CTNNA3: variants seen among roughly 807,000 people sequenced by gnomAD.
CTNNA3 encodes the protein catenin alpha-3.
In CTNNA3, 76 loss-of-function variants were observed where a neutral mutation model predicts 95.7. That is an observed-to-expected ratio of 0.79 (90% CI 0.66 to 0.96). The LOEUF is 0.96. CTNNA3 is among the 40% of genes least tolerant of loss of function. The pLI, the probability that CTNNA3 is intolerant of heterozygous loss-of-function variation, is 0.00. For missense variants in CTNNA3, 1,191 were observed against 1,089.8 expected, an observed-to-expected ratio of 1.09 and a Z score of -1.31; for synonymous variants, 431 against 374.4, an observed-to-expected ratio of 1.15 and a Z score of -1.74.
intron 10 of CTNNA3, among the ~76,000 whole-genome samples, chr10:66,586,007 T>A: frequency 6.6e-6 from 1 of 152,130 alleles, no homozygotes; most frequent in East Asian, 1.9e-4. Flanking sequence ...CAGCTCTGGG[T>A]GGTTTCAAGT....
intron 7 of CTNNA3, among the ~76,000 whole-genome samples, chr10:66,965,391 C>T (rs748058703): frequency 7.3e-5 from 11 of 151,420 alleles, no homozygotes; most frequent in East Asian, 1.9e-4. Flanking sequence ...AAAAATTAGC[C>T]GGGTGTGGTG....
intron 10 of CTNNA3, among the ~76,000 whole-genome samples, chr10:66,536,814 G>A (rs1320977765): frequency 3.3e-5 from 5 of 152,006 alleles, no homozygotes; most frequent in Admixed American, 6.6e-5. Flanking sequence ...TTCATTGAGC[G>A]TTGCACTAAA....
rs184222137 is a variant in CTNNA3 at position 66,695,186 on chromosome 10, G to A, written c.1281+71078C>T. Among the ~76,000 whole-genome samples the A allele has an allele frequency of 1.6e-3, 247 of 152,224 alleles. 2 individuals are homozygous for A. The highest frequency in any genetic ancestry group is 5.6e-3 in the African/African-American group (233 of 41,540). ...AGATGCACATTAAATAGATTGCTAT[G>A]TAAAGCTGATACATCATTTAGTCCT... On this transcript the variant is annotated intron_variant, in intron 9 of 17. Coordinates refer to ENST00000433211, the MANE Select transcript of CTNNA3 (RefSeq NM_013266.4).
intron 10 of CTNNA3, among the ~76,000 whole-genome samples, chr10:66,607,791 A>G (rs1374790314): frequency 2.0e-5 from 3 of 152,178 alleles, no homozygotes; most frequent in Admixed American, 2.0e-4. Flanking sequence ...TATTGAGAAA[A>G]CATACTTCAA....
At chr10:65,974,002 A>G (rs1416986968) in intron 16 of CTNNA3, among the ~76,000 whole-genome samples, 2 of 152,214 alleles carry the variant, frequency 1.3e-5, no homozygotes, top group African/African-American at 2.4e-5. Context: ...GCTCAACATC[A>G]TGAATAATCA....
At chr10:66,522,831 T>C (rs1841115571) in intron 10 of CTNNA3, among the ~76,000 whole-genome samples, 1 of 151,916 alleles carries the variant, frequency 6.6e-6, no homozygotes, top group South Asian at 2.1e-4. Flanking sequence ...CTATGCATAA[T>C]TTTTTCATAA....
At chr10:67,189,377 G>C (rs2132169177) in intron 6 of CTNNA3, among the ~76,000 whole-genome samples, 1 of 152,112 alleles carries the variant, frequency 6.6e-6, no homozygotes, top group South Asian at 2.1e-4. Context: ...TACTTTGACA[G>C]GAGGAATAAA....
chr10:67,240,664 T>A (rs144653595), intron 5 of CTNNA3, among the ~76,000 whole-genome samples: 1,546 of 152,224 alleles, frequency 0.01, 15 homozygotes, highest in African/African-American at 0.024. Flanking sequence ...TGAGAAACCA[T>A]ATCATAATAG....
At chr10:67,125,117 C>A (rs1316678685) in intron 7 of CTNNA3, among the ~76,000 whole-genome samples, 2 of 152,100 alleles carry the variant, frequency 1.3e-5, no homozygotes, top group Non-Finnish European at 2.9e-5. Flanking sequence ...GTTTCACAAA[C>A]TAGAATAGAA....
intron 11 of CTNNA3, among the ~76,000 whole-genome samples, chr10:66,494,488 C>A (rs1488440244): frequency 6.6e-6 from 1 of 152,112 alleles, no homozygotes; most frequent in Non-Finnish European, 1.5e-5. Flanking sequence ...TCTTTTATTT[C>A]TACTAAAAAT....
At chr10:67,472,970 T>G (rs186498527) in intron 5 of CTNNA3, among the ~76,000 whole-genome samples, 1 of 152,350 alleles carries the variant, frequency 6.6e-6, no homozygotes, top group Admixed American at 6.5e-5. Context: ...TAGCTGTACA[T>G]GTTTACTGAA....
intron 15 of CTNNA3, among the ~76,000 whole-genome samples, chr10:66,042,089 T>C (rs2079704073): frequency 6.6e-6 from 1 of 152,178 alleles, no homozygotes; most frequent in African/African-American, 2.4e-5. Flanking sequence ...TTTGTATCTC[T>C]GAGTCTTTTT....
At chr10:66,094,393 A>G (rs937996835) in intron 14 of CTNNA3, among the ~76,000 whole-genome samples, 1 of 152,118 alleles carries the variant, frequency 6.6e-6, no homozygotes, top group Admixed American at 6.6e-5. Context: ...AAGGGCTTTT[A>G]TGTATGATGA....
intron 7 of CTNNA3, among the ~76,000 whole-genome samples, chr10:67,028,227 T>A (rs1374070086): frequency 6.6e-6 from 1 of 152,168 alleles, no homozygotes; most frequent in African/African-American, 2.4e-5. Flanking sequence ...GTTTTGTGGT[T>A]TGTCATTGTT....
chr10:67,484,316 T>C (rs1352040254), intron 5 of CTNNA3, among the ~76,000 whole-genome samples: 1 of 152,172 alleles, frequency 6.6e-6, no homozygotes, highest in African/African-American at 2.4e-5. Flanking sequence ...CATATAAAAA[T>C]TAACTCAAAA....
chr10:66,664,683 A>G (rs1024978727), intron 9 of CTNNA3, among the ~76,000 whole-genome samples: 1 of 150,318 alleles, frequency 6.7e-6, no homozygotes, highest in East Asian at 2.0e-4. Context: ...GGAGCAGAAC[A>G]TAGCATTCAG....
intron 7 of CTNNA3, among the ~76,000 whole-genome samples, chr10:67,089,842 CA>C (rs1327056416): frequency 2.6e-5 from 4 of 151,846 alleles, no homozygotes; most frequent in African/African-American, 4.8e-5. Context: ...ATCCCTTTCA[CA>C]AGCCTATAAT....
intron 17 of CTNNA3, among the ~76,000 whole-genome samples, chr10:65,957,454 CT>C (rs1465524425): frequency 6.6e-6 from 1 of 152,152 alleles, no homozygotes; most frequent in Non-Finnish European, 1.5e-5. Flanking sequence ...GGTTATTTTG[CT>C]TGTTAGTTGA....
intron 5 of CTNNA3, among the ~76,000 whole-genome samples, chr10:67,372,606 A>G (rs1286709759): frequency 6.6e-6 from 1 of 152,170 alleles, no homozygotes; most frequent in East Asian, 1.9e-4. Context: ...CCAACATTCA[A>G]ATTCAGGATA....
Sources: gnomAD v4.1 joint callset for allele counts (sites outside exome capture counted in the v4.1 genomes callset) on GRCh38, gnomAD v4.1.1 for gene constraint, MANE v1.5 for transcripts, NCBI Gene and HGNC (gene_info 2026-07-23, HGNC 2026-07-21) for gene names.